The following PCGF3 variants were observed in gnomAD, a reference collection of about 807,000 sequenced individuals.
PCGF3 encodes the protein polycomb group ring finger 3.
PCGF3 carries 7 observed loss-of-function variants against 33.1 expected under a neutral mutation model. The ratio of observed to expected loss-of-function variants is 0.21; its 90% CI spans 0.12 to 0.40. The LOEUF is 0.40. PCGF3 is among the 10% of genes least tolerant of loss of function. The probability of loss-of-function intolerance (pLI) is 1.00; values close to 1 mark genes in which losing one functional copy is unlikely to be tolerated. For synonymous variants in PCGF3, 153 were observed against 121.3 expected, an observed-to-expected ratio of 1.26 and a Z score of -1.72; for missense variants, 211 against 313.3, an observed-to-expected ratio of 0.67 and a Z score of 2.46.
chr4:755,904 C>CTTTTTTTT lies in PCGF3; in HGVS notation c.463-5354_463-5347dup, dbSNP rs570528684. Among the ~76,000 whole-genome samples, 7 of 87,196 alleles carry CTTTTTTTT rather than the reference C, an allele frequency of 8.0e-5. 1 individual carries two copies. In the East Asian group the frequency reaches 9.8e-4, roughly 12 times the overall value. 57.2% of individuals were successfully genotyped at this position (87,196 alleles called of 152,430 possible). On this transcript the variant is annotated intron_variant, in intron 8 of 10. Transcript: ENST00000362003. ...CTCATTTTTCTTCTTCAGAATTGTC[C>CTTTTTTTT]TTTTTTTTTTTTTTTTTTTTTTTTT...
chr4:730,463 C>T (rs934753744), intron 1 of PCGF3, among the ~76,000 whole-genome samples, 167 bp from the exon 2 acceptor site: 37 of 152,152 alleles, frequency 2.4e-4, no homozygotes, highest in African/African-American at 8.4e-4. Flanking sequence ...CGAGACCAGC[C>T]CGTGTCTCCC....
intron 1 of PCGF3, among the ~76,000 whole-genome samples, chr4:706,446 G>C (rs1273762856): frequency 6.7e-6 from 1 of 148,388 alleles, no homozygotes; most frequent in Non-Finnish European, 1.5e-5. Flanking sequence ...CCCCAGCCCA[G>C]GCAGGACCCA....
At chr4:769,298 G>A (rs1745517563) in exon 11 of PCGF3, 2 of 152,732 alleles carry the variant, frequency 1.3e-5, no homozygotes, top group African/African-American at 2.4e-5. Flanking sequence ...AGTGTTCACA[G>A]CGATTCAAAG....
At chr4:743,431 C>A in intron 6 of PCGF3, 43 bp from the exon 7 acceptor site, 1 of 1,133,534 alleles carries the variant, frequency 8.8e-7, no homozygotes, top group South Asian at 1.2e-5. Flanking sequence ...TTAATAGAAT[C>A]CACTGCCTGT....
In PCGF3 at chr4:722,483, C is replaced by G. The variant is rs368376168; in HGVS notation, c.-189-8147C>G. The stretch of plus-strand genomic sequence containing the variant: ...ATGTCACACTGAGGCATCAGAGACA[C>G]ATCCATTCACGTCGGGGCTGTGTCC... On this transcript the variant is annotated intron_variant, in intron 1 of 10. Transcript: ENST00000362003. 1,232 of 273,078 alleles carry G rather than the reference C, an allele frequency of 4.5e-3. 31 individuals are homozygous for G. The highest frequency in any genetic ancestry group is 0.035 in the South Asian group (1,181 of 34,008). 16.9% of individuals were successfully genotyped at this position (273,078 alleles called of 1,614,324 possible). A position where few individuals can be genotyped will look rare whatever the true frequency, so the allele number is the denominator to read the frequency against.
At chr4:753,841 G>A (rs928530677) in intron 8 of PCGF3, among the ~76,000 whole-genome samples, 65 of 151,990 alleles carry the variant, frequency 4.3e-4, no homozygotes, top group African/African-American at 1.5e-3. Context: ...CCAGCTACTC[G>A]GAGGCTGAGG....
intron 1 of PCGF3, among the ~76,000 whole-genome samples, chr4:713,560 CTCA>C (rs1259598453): frequency 4.6e-5 from 7 of 150,620 alleles, no homozygotes; most frequent in Admixed American, 6.6e-5. Context: ...GGGCTGTGGC[CTCA>C]TGGATCCTGT....
chr4:760,251 C>G (rs927814465), intron 8 of PCGF3, among the ~76,000 whole-genome samples: 1 of 152,182 alleles, frequency 6.6e-6, no homozygotes, highest in Non-Finnish European at 1.5e-5. Flanking sequence ...TGTTTCTTAA[C>G]ACTTCCTTTC....
intron 8 of PCGF3, among the ~76,000 whole-genome samples, chr4:760,319 T>G (rs1560218309): frequency 6.6e-6 from 1 of 152,228 alleles, no homozygotes; most frequent in Non-Finnish European, 1.5e-5. Flanking sequence ...GCCTTCCTTT[T>G]ATTGTTTGAA....
chr4:741,176 T>C (rs1336876497), intron 6 of PCGF3, among the ~76,000 whole-genome samples: 1 of 152,170 alleles, frequency 6.6e-6, no homozygotes, highest in African/African-American at 2.4e-5. Context: ...ACACCAGCAA[T>C]ATTCCCTACT....
In PCGF3 at chr4:760,672, G is replaced by T. The variant is rs938054294; in HGVS notation, c.463-607G>T. 9.2e-5 allele frequency among the ~76,000 whole-genome samples: 14 copies of T among 152,232 alleles called. 1 individual carries two copies. The highest frequency in any genetic ancestry group is 3.3e-4 in the Admixed American group (5 of 15,282). On this transcript the variant is annotated intron_variant, in intron 8 of 10. Transcript: ENST00000362003. The stretch of plus-strand genomic sequence containing the variant: ...CGTGAGCGTCGCCCTTCCTTGTCAG[G>T]CACATCTTGGGGGCCAAGCCGGCCG...
chr4:707,189 A>G (rs1030034340), intron 1 of PCGF3, among the ~76,000 whole-genome samples: 29 of 146,380 alleles, frequency 2.0e-4, no homozygotes, highest in African/African-American at 7.3e-4. Context: ...GTCACCAAGG[A>G]GGGTCGGACC....
chr4:759,968 G>T (rs1259239200), intron 8 of PCGF3, among the ~76,000 whole-genome samples: 1 of 152,100 alleles, frequency 6.6e-6, no homozygotes, highest in Admixed American at 6.5e-5. Flanking sequence ...TCTCTCCCGA[G>T]TTCTCTCTCC....
rs371770480 is a variant in PCGF3 at position 765,219 on chromosome 4, GT to G, written c.681+156del. Reference sequence around the variant, plus strand: ...GAGGACGAGGCGGGCGGATCACGAGGTCAGGAGATCCAGACAATCCTGGCTA... The same window carrying G: ...GAGGACGAGGCGGGCGGATCACGAGGCAGGAGATCCAGACAATCCTGGCTA... On this transcript the variant is annotated intron_variant, in intron 10 of 10. Coordinates refer to ENST00000362003, the Ensembl canonical transcript of PCGF3. 6.3e-4 allele frequency: 367 copies of G among 583,750 alleles called. No homozygotes were observed. In the East Asian group the frequency reaches 0.011, roughly 17 times the overall value. 36.2% of individuals were successfully genotyped at this position (583,750 alleles called of 1,614,324 possible). A position where few individuals can be genotyped will look rare whatever the true frequency, so the allele number is the denominator to read the frequency against.
At chr4:709,829 G>C (rs1309850131) in intron 1 of PCGF3, among the ~76,000 whole-genome samples, 2 of 152,242 alleles carry the variant, frequency 1.3e-5, no homozygotes, top group African/African-American at 4.8e-5. Flanking sequence ...TCGTGTCCCT[G>C]CGTGGTCAGC....
chr4:753,377 G>T (rs971509266), intron 8 of PCGF3, among the ~76,000 whole-genome samples: 1 of 152,164 alleles, frequency 6.6e-6, no homozygotes, highest in East Asian at 1.9e-4. Flanking sequence ...ACTCTTGGCC[G>T]GGTGCGGTGG....
At chr4:749,444 A>G (rs991778145) in intron 8 of PCGF3, among the ~76,000 whole-genome samples, 2 of 144,652 alleles carry the variant, frequency 1.4e-5, no homozygotes, top group African/African-American at 5.2e-5. Context: ...AATTACAGGC[A>G]TGAGCCACCA....
At chr4:768,117 C>T (rs1421386825) in exon 11 of PCGF3, 1 of 152,696 alleles carries the variant, frequency 6.5e-6, no homozygotes, top group South Asian at 2.1e-4. Flanking sequence ...TGGTGCTAAG[C>T]TGATAGATTT....
chr4:740,542 G>A (rs1744041991), intron 6 of PCGF3, among the ~76,000 whole-genome samples: 1 of 151,924 alleles, frequency 6.6e-6, no homozygotes, highest in African/African-American at 2.4e-5. Context: ...TGGGGCTCAC[G>A]CACTCACCAG....
Sources: gnomAD v4.1 joint callset for allele counts (sites outside exome capture counted in the v4.1 genomes callset) on GRCh38, gnomAD v4.1.1 for gene constraint, MANE v1.5 for transcripts, NCBI Gene and HGNC (gene_info 2026-07-23, HGNC 2026-07-21) for gene names.